SEC14L1: variants seen among roughly 807,000 people sequenced by gnomAD.
The protein encoded by SEC14L1 is SEC14 like lipid binding 1.
SEC14L1 carries 48 observed loss-of-function variants against 85.3 expected under a neutral mutation model. The ratio of observed to expected loss-of-function variants is 0.56; its 90% confidence interval spans 0.45 to 0.72. The LOEUF (loss-of-function observed/expected upper bound fraction) is 0.72, where lower values mean the gene tolerates loss of function less well. SEC14L1 is among the 30% of genes least tolerant of loss of function. The pLI is 0.00. For synonymous variants in SEC14L1, 391 were observed against 355.5 expected (o/e 1.10, Z -1.12); for missense variants, 682 against 921.4 (o/e 0.74, Z 3.36).
chr17:77,204,522 C>CCTTTTTTTTTTTTTTTTTT (rs1555628453), intron 10 of SEC14L1, among the ~76,000 whole-genome samples: 1 of 84,728 alleles, frequency 1.2e-5, no homozygotes. Context: ...GCCCAGCCAG[C>CCTTTTTTTTTTTTTTTTTT]TTTTTTTTTT....
exon 2 of SEC14L1, chr17:77,089,211 C>G (rs1346803565): frequency 2.9e-6 from 1 of 343,270 alleles, no homozygotes; most frequent in Non-Finnish European, 5.8e-6. Flanking sequence ...GCAGCAACCA[C>G]TATTTTCTTC....
At chr17:77,189,077 A>G (rs1359462886) in intron 3 of SEC14L1, among the ~76,000 whole-genome samples, 1 of 152,210 alleles carries the variant, frequency 6.6e-6, no homozygotes, top group East Asian at 1.9e-4. Context: ...TCAAAAGACA[A>G]AATTACAAAA....
intron 3 of SEC14L1, among the ~76,000 whole-genome samples, chr17:77,117,759 G>T (rs1309678548): frequency 6.6e-6 from 1 of 152,206 alleles, no homozygotes; most frequent in East Asian, 1.9e-4. Context: ...TTTGGTCTTT[G>T]AGACTCCCTG....
intron 5 of SEC14L1, among the ~76,000 whole-genome samples, chr17:77,192,227 C>T (rs1975578946): frequency 6.6e-6 from 1 of 152,240 alleles, no homozygotes; most frequent in African/African-American, 2.4e-5. Context: ...ATCTTCACTG[C>T]TTACCACCCT....
At chr17:77,089,851 AC>A (rs1311895425) in intron 2 of SEC14L1, 3 of 172,322 alleles carry the variant, frequency 1.7e-5, no homozygotes, top group African/African-American at 7.3e-5. Context: ...CCCCATTTCT[AC>A]TAAAAATACA....
chr17:77,173,522 AG>A (rs889585573), intron 3 of SEC14L1, among the ~76,000 whole-genome samples: 6 of 151,804 alleles, frequency 4.0e-5, no homozygotes, highest in African/African-American at 1.2e-4. Context: ...ACTGGCTTTG[AG>A]GGGGTAGAGG....
chr17:77,184,189 G>A (rs533768582), intron 3 of SEC14L1, among the ~76,000 whole-genome samples: 1 of 152,338 alleles, frequency 6.6e-6, no homozygotes, highest in Admixed American at 6.5e-5. Context: ...AGGCTCTGTG[G>A]CTGTCCTGTT....
Position 77,215,744 on chromosome 17 carries a change from G to A in SEC14L1, c.*1721G>A, listed in dbSNP as rs1193930735. 1.1e-5 allele frequency: 11 copies of A among 987,474 alleles called. No individual in the cohort carries two copies. The highest frequency in any genetic ancestry group is 1.8e-5 in the African/African-American group (1 of 55,750). The allele number at this position is 987,474 out of a possible 1,614,324, so 61.2% of individuals were successfully genotyped here. ...GGTTCGTAGGTAGGGCTAGTAGGTA[G>A]GGTTAGTAGGTAGGGCTAGTAGGTA... is the stretch of plus-strand genomic sequence containing the variant. On this transcript the variant is annotated 3_prime_UTR_variant, in exon 17 of 17. Transcript: ENST00000436233.
At chr17:77,197,317 C>T (rs73998661) in intron 8 of SEC14L1, among the ~76,000 whole-genome samples, 2,663 of 152,296 alleles carry the variant, frequency 0.017, 88 homozygotes, top group African/African-American at 0.06. Flanking sequence ...ACTCGGAACA[C>T]GGCCTTGGCC....
intron 3 of SEC14L1, among the ~76,000 whole-genome samples, chr17:77,125,458 A>G (rs1050655913): frequency 6.8e-6 from 1 of 146,866 alleles, no homozygotes; most frequent in Non-Finnish European, 1.5e-5. Flanking sequence ...TTCCCCTATT[A>G]TGTCATGCAC....
intron 3 of SEC14L1, among the ~76,000 whole-genome samples, chr17:77,123,480 T>C (rs72882053): frequency 0.14 from 20,127 of 140,404 alleles, 1,746 homozygotes; most frequent in East Asian, 0.42. Flanking sequence ...GGCGAGATCT[T>C]GGCTCGCTGC....
intron 3 of SEC14L1, among the ~76,000 whole-genome samples, chr17:77,159,284 C>T (rs2143620674): frequency 6.6e-6 from 1 of 151,810 alleles, no homozygotes; most frequent in South Asian, 2.1e-4. Context: ...CCAGGCTGGT[C>T]TCGAACTTCT....
intron 3 of SEC14L1, among the ~76,000 whole-genome samples, chr17:77,181,356 G>A (rs113373869): frequency 5.3e-5 from 8 of 152,200 alleles, no homozygotes; most frequent in Admixed American, 5.2e-4. Context: ...ATACAGTCCA[G>A]TTGGTATTAA....
At chr17:77,107,399 AAG>A (rs760135617) in intron 3 of SEC14L1, among the ~76,000 whole-genome samples, 9 of 152,326 alleles carry the variant, frequency 5.9e-5, no homozygotes, top group South Asian at 2.1e-4. Flanking sequence ...AACGAAAAGA[AAG>A]AGTCTCCTTC....
At chr17:77,191,113 T>C (rs1309408822) in intron 4 of SEC14L1, 68 bp from the exon 5 acceptor site, 1 of 1,558,832 alleles carries the variant, frequency 6.4e-7, no homozygotes, top group African/African-American at 1.4e-5. Context: ...CAACATGAAC[T>C]TATACTATAG....
rs146875031 is a variant in SEC14L1 at position 77,119,562 on chromosome 17, A to T, written c.-135-23084A>T. Among the ~76,000 whole-genome samples the T allele has an allele frequency of 6.9e-3, 1,054 of 152,284 alleles. 12 individuals are homozygous for T. The highest frequency in any genetic ancestry group is 0.024 in the African/African-American group (997 of 41,552). ...AGGAGGTAATAAGCTCTCTGGCAGGATGAGAAGCAGTATTTATTTTATCCA... is the reference window on the plus strand; with the variant it reads ...AGGAGGTAATAAGCTCTCTGGCAGGTTGAGAAGCAGTATTTATTTTATCCA... On this transcript the variant is annotated intron_variant, in intron 3 of 19. Transcript: ENST00000392476.
chr17:77,142,954 G>T (rs1973126013), intron 2 of SEC14L1, among the ~76,000 whole-genome samples: 1 of 152,236 alleles, frequency 6.6e-6, no homozygotes, highest in African/African-American at 2.4e-5. Flanking sequence ...AGAGATTTCA[G>T]TGGAGCCTGT....
Position 77,206,524 on chromosome 17 carries a change from G to T in SEC14L1, c.1341+124G>T. 1 of 1,307,984 alleles carries T rather than the reference G, an allele frequency of 7.6e-7. No individual in the cohort carries two copies. The allele number at this position is 1,307,984 out of a possible 1,614,324, so 81.0% of individuals were successfully genotyped here. Reference sequence around the variant, plus strand: ...AGGAAAAAAAACAATAACATGCAAAGATATAAAATTTCTCAAATTGTTTAA... The same window carrying T: ...AGGAAAAAAAACAATAACATGCAAATATATAAAATTTCTCAAATTGTTTAA... On this transcript the variant is annotated intron_variant, in intron 12 of 16. Transcript: ENST00000436233. This position sits in a 1 kb window ranked among gnomAD's most constrained non-coding sequence, Gnocchi z 4.3.
At position 77,200,647 on chromosome 17, in the gene SEC14L1, C is replaced by T. The variant is rs1343249500; in HGVS notation, c.983C>T (p.Ala328Val). ...TPPQVLQDYY[A>V]GGWHHHDKDG... ...CCTCAGGTCCTTCAGGATTACTACG[C>T]GGGAGGCTGGCATCATCACGACAAA... The change falls in exon 9 of 17, where the codon GCG becomes GTG. Residue 328 changes from alanine to valine, a missense_variant. Around this residue, in one of 3 missense-constraint regions of SEC14L1, gnomAD observed 420 missense variants for 619.5 expected, o/e 0.68. Transcript: ENST00000436233. 7 of 1,613,370 alleles carry T rather than the reference C, an allele frequency of 4.3e-6. No homozygotes were observed. Among genetic ancestry groups the T allele is most frequent in the South Asian group, 3.3e-5 (3 of 90,924 alleles).
Sources: allele counts gnomAD v4.1 joint callset (sites outside exome capture counted in the v4.1 genomes callset), GRCh38; gene constraint gnomAD v4.1.1; regional missense constraint gnomAD v4.1.1; non-coding constraint Gnocchi (gnomAD v3.1); transcripts MANE v1.5; gene names NCBI Gene and HGNC (gene_info 2026-07-23, HGNC 2026-07-21).